TSHR: variants seen among roughly 807,000 people sequenced by gnomAD.
The protein encoded by TSHR is thyroid stimulating hormone receptor.
A neutral mutation model predicts 64.1 loss-of-function variants in TSHR; 51 were observed. The ratio of observed to expected loss-of-function variants is 0.80; its 90% CI spans 0.64 to 1.01. The LOEUF (loss-of-function observed/expected upper bound fraction) is 1.01, where lower values mean the gene tolerates loss of function less well. TSHR is among the 50% of genes least tolerant of loss of function. The pLI is 0.00. For synonymous variants in TSHR, 361 were observed against 361.9 expected, an observed-to-expected ratio of 1.00 and a Z score of 0.03; for missense variants, 877 against 942.8, an observed-to-expected ratio of 0.93 and a Z score of 0.91.
intron 1 of TSHR, among the ~76,000 whole-genome samples, chr14:80,971,605 G>A (rs1478455210): frequency 6.6e-6 from 1 of 152,128 alleles, no homozygotes; most frequent in Non-Finnish European, 1.5e-5. Flanking sequence ...CTATTTGTTT[G>A]GGGTTTTTGT....
intron 2 of TSHR, among the ~76,000 whole-genome samples, chr14:81,067,483 TTA>T (rs71103896): frequency 0.013 from 1,810 of 134,958 alleles, 49 homozygotes; most frequent in African/African-American, 0.046. Context: ...GTTTATAGTT[TTA>T]TATATATATA....
intron 1 of TSHR, among the ~76,000 whole-genome samples, chr14:80,966,496 C>T (rs1887303923): frequency 6.6e-6 from 1 of 151,506 alleles, no homozygotes; most frequent in African/African-American, 2.4e-5. Flanking sequence ...ATGTATTGAT[C>T]ACCTATCATA....
In TSHR at chr14:81,144,550, G is replaced by C. The variant is rs747753851; in HGVS notation, c.*197G>C. On this transcript the variant is annotated 3_prime_UTR_variant, in exon 10 of 10. Coordinates refer to ENST00000298171, the MANE Select transcript of TSHR (RefSeq NM_000369.5). ...CCTAATCATTGCCCCCAAGAAGGAA[G>C]TTAGGCTACCAGCATATTTGAATGC... The C allele has an allele frequency of 1.4e-5, 9 of 624,712 alleles. No individual in the cohort carries two copies. The highest frequency in any genetic ancestry group is 2.2e-5 in the Non-Finnish European group (8 of 360,566). The allele number at this position is 624,712 out of a possible 1,614,324, so 38.7% of individuals were successfully genotyped here. A position where few individuals can be genotyped will look rare whatever the true frequency, so the allele number is the denominator to read the frequency against.
chr14:80,961,331 A>T (rs28699303), intron 1 of TSHR, among the ~76,000 whole-genome samples: 25,483 of 152,182 alleles, frequency 0.17, 3,383 homozygotes, highest in African/African-American at 0.37. Flanking sequence ...AATTACATAA[A>T]CACAGAGTTA....
At position 80,967,051 on chromosome 14, in the gene TSHR, G is replaced by A. The variant is rs535767530; in HGVS notation, c.170+11201G>A. On this transcript the variant is annotated intron_variant, in intron 1 of 9. Transcript: ENST00000298171. The stretch of plus-strand genomic sequence containing the variant: ...AGGATTTCAGCATATGAATTTGGGG[G>A]ACACACAAACATTCAGTCCATAACA... 3.3e-5 allele frequency among the ~76,000 whole-genome samples: 5 copies of A among 151,898 alleles called. No homozygotes were observed. In the South Asian group the frequency reaches 1.0e-3, roughly 32 times the overall value.
intron 8 of TSHR, among the ~76,000 whole-genome samples, chr14:81,137,842 A>G (rs1891515802): frequency 6.6e-6 from 1 of 152,236 alleles, no homozygotes; most frequent in Non-Finnish European, 1.5e-5. Context: ...CAATCAGTGT[A>G]TCTAGCAGAC....
chr14:81,068,477 C>T (rs1886823944), intron 3 of TSHR, 149 bp downstream of exon 3: 1 of 707,346 alleles, frequency 1.4e-6, no homozygotes, highest in African/African-American at 1.8e-5. Context: ...TTCTCATTCT[C>T]AGTTCATGTT....
At chr14:80,981,602 C>T (rs1370110085) in intron 1 of TSHR, among the ~76,000 whole-genome samples, 2 of 152,018 alleles carry the variant, frequency 1.3e-5, no homozygotes, top group Non-Finnish European at 1.5e-5. Flanking sequence ...GAGGTCTGTT[C>T]CTTTCTAGGT....
At chr14:80,995,559 C>T (rs1044992669) in intron 1 of TSHR, 7 of 152,120 alleles carry the variant, frequency 4.6e-5, no homozygotes, top group African/African-American at 1.4e-4. Context: ...TCATTATCCT[C>T]AGCAAACCAA....
chr14:81,060,977 A>T (rs964929962), intron 1 of TSHR, among the ~76,000 whole-genome samples: 1 of 152,158 alleles, frequency 6.6e-6, no homozygotes, highest in Admixed American at 6.6e-5. Context: ...TGATGAGAAC[A>T]GTCTCCACCT....
intron 3 of TSHR, among the ~76,000 whole-genome samples, chr14:81,071,817 C>T (rs1716221179): frequency 6.6e-6 from 1 of 152,176 alleles, no homozygotes; most frequent in African/African-American, 2.4e-5. Context: ...TCAACATTTT[C>T]ATGCCAGTGA....
At chr14:81,030,899 G>A (rs1417868129) in intron 1 of TSHR, among the ~76,000 whole-genome samples, 1 of 152,094 alleles carries the variant, frequency 6.6e-6, no homozygotes, top group African/African-American at 2.4e-5. Context: ...TTTTGGTCAT[G>A]ACATTTTTTC....
At chr14:81,109,363 C>G (rs951661447) in intron 8 of TSHR, among the ~76,000 whole-genome samples, 1 of 151,948 alleles carries the variant, frequency 6.6e-6, no homozygotes, top group East Asian at 1.9e-4. Context: ...GAGCCCAGAT[C>G]GTGCCACTGC....
intron 1 of TSHR, among the ~76,000 whole-genome samples, chr14:80,957,630 G>A (rs928986025): frequency 2.0e-5 from 3 of 152,196 alleles, no homozygotes; most frequent in African/African-American, 7.2e-5. Context: ...GGCTCTGACA[G>A]TGAAAAGGAA....
At chr14:80,965,766 A>C (rs1000385241) in intron 1 of TSHR, among the ~76,000 whole-genome samples, 1 of 152,232 alleles carries the variant, frequency 6.6e-6, no homozygotes, top group African/African-American at 2.4e-5. Flanking sequence ...CTTTAAGAAC[A>C]TTTAGGGTAT....
chr14:81,143,194 A>G lies in TSHR; in HGVS notation c.1136A>G (p.Gln379Arg). 1 of 1,614,162 alleles carries G rather than the reference A, an allele frequency of 6.2e-7. No individual in the cohort carries two copies. Among genetic ancestry groups the G allele is most frequent in the Non-Finnish European group, 8.5e-7 (1 of 1,180,026 alleles). Reference sequence around the variant, plus strand: ...AAAAACCCCCAGGAAGAGACTCTACAAGCTTTTGACAGCCATTATGACTAC... The same window carrying G: ...AAAAACCCCCAGGAAGAGACTCTACGAGCTTTTGACAGCCATTATGACTAC... ...ELKNPQEETL[Q>R]AFDSHYDYTI... The change falls in exon 10 of 10, where the codon CAA becomes CGA. Residue 379 changes from glutamine (Q) to arginine (R), a missense_variant. Physicochemically the swap from Gln to Arg is conservative, Grantham distance 43. Transcript: ENST00000298171.
At chr14:81,043,730 A>G (rs1321220634) in intron 1 of TSHR, among the ~76,000 whole-genome samples, 1 of 152,232 alleles carries the variant, frequency 6.6e-6, no homozygotes, top group African/African-American at 2.4e-5. Context: ...CTGGGACAAG[A>G]ACAGACACAT....
At chr14:80,989,299 A>C (rs1888615618) in intron 1 of TSHR, among the ~76,000 whole-genome samples, 1 of 152,088 alleles carries the variant, frequency 6.6e-6, no homozygotes. Context: ...CAGGGCAGCA[A>C]CTATATTTTC....
At chr14:81,102,736 T>G in intron 7 of TSHR, 1 of 952,898 alleles carries the variant, frequency 1.0e-6, no homozygotes. Context: ...AGGATTTGAC[T>G]GGAGGGTCAT....
Sources: allele counts gnomAD v4.1 joint callset (sites outside exome capture counted in the v4.1 genomes callset), GRCh38; gene constraint gnomAD v4.1.1; transcripts MANE v1.5; gene names NCBI Gene and HGNC (gene_info 2026-07-23, HGNC 2026-07-21).